The following SV2C variants were observed in gnomAD, a reference collection of about 807,000 sequenced individuals.
SV2C encodes synaptic vesicle glycoprotein 2C.
Under a neutral mutation model 79.7 loss-of-function variants are expected in SV2C, and 49 were observed. The ratio of observed to expected loss-of-function variants is 0.61; its 90% CI spans 0.49 to 0.78. The LOEUF (loss-of-function observed/expected upper bound fraction) is 0.78, where lower values mean the gene tolerates loss of function less well. Ranked by LOEUF, SV2C falls within the 30% of genes least tolerant of loss-of-function variation. SV2C has a pLI of 0.00. For synonymous variants in SV2C, 334 were observed against 333.2 expected (o/e 1.00, Z -0.03); for missense variants, 833 against 912.9 (o/e 0.91, Z 1.13).
At chr5:76,245,379 T>C (rs957162582) in intron 4 of SV2C, among the ~76,000 whole-genome samples, 11 of 152,082 alleles carry the variant, frequency 7.2e-5, no homozygotes, top group African/African-American at 2.2e-4. Flanking sequence ...GGGATGAAGA[T>C]AGAAGCTCAG....
At position 76,131,895 on chromosome 5, in the gene SV2C, T is replaced by C. The variant is rs1336599961; in HGVS notation, c.145T>C (p.Phe49Leu). 3.7e-6 allele frequency: 6 copies of C among 1,613,674 alleles called. No homozygotes were observed. Among genetic ancestry groups the C allele is most frequent in the Non-Finnish European group, 5.1e-6 (6 of 1,179,956 alleles). The change falls in exon 2 of 13, where the codon TTC becomes CTC. Residue 49 changes from phenylalanine to leucine, a missense_variant. Physicochemically the swap from Phe to Leu is conservative, Grantham distance 22 (BLOSUM62 0). Transcript: ENST00000502798. ...DEYTQRSYSR[F>L]QDEEDDDDYY... ...ATACACCCAGAGGTCCTACAGTCGG[T>C]TCCAAGATGAAGAAGATGATGATGA...
the SV2C span, among the ~76,000 whole-genome samples, chr5:75,965,737 G>GT: frequency 5.9e-5 from 9 of 151,714 alleles, no homozygotes; most frequent in South Asian, 6.2e-4. Flanking sequence ...TCTAGATTGA[G>GT]TTTTTTTTAT....
the SV2C span, among the ~76,000 whole-genome samples, chr5:75,991,271 A>G: frequency 6.6e-6 from 1 of 151,806 alleles, no homozygotes; most frequent in African/African-American, 2.4e-5. Context: ...TTTGTTTATT[A>G]TCATCATGTT....
rs186108277 is a variant in SV2C at position 76,108,797 on chromosome 5, T to G, written c.-101-22853T>G. 2.9e-4 allele frequency among the ~76,000 whole-genome samples: 44 copies of G among 152,352 alleles called. 1 individual carries two copies. The highest frequency in any genetic ancestry group is 1.1e-3 in the African/African-American group (44 of 41,576). On this transcript the variant is annotated intron_variant, in intron 1 of 12. Transcript: ENST00000502798. ...CCTAAAGCAAATGGCGATAACATGTTAGTTTCATTAACTGTGGTGAAAAAA... is the reference window on the plus strand; with the variant it reads ...CCTAAAGCAAATGGCGATAACATGTGAGTTTCATTAACTGTGGTGAAAAAA...
At chr5:75,880,983 A>G in the SV2C span, among the ~76,000 whole-genome samples, 1 of 152,180 alleles carries the variant, frequency 6.6e-6, no homozygotes, top group African/African-American at 2.4e-5. Context: ...GCAGAAGGTG[A>G]AGGGGGAACA....
chr5:75,891,507 G>T, the SV2C span, among the ~76,000 whole-genome samples: 1 of 152,042 alleles, frequency 6.6e-6, no homozygotes, highest in African/African-American at 2.4e-5. Flanking sequence ...AGTTTTAAGA[G>T]AAAAACTATA....
intron 2 of SV2C, chr5:76,173,864 T>C (rs770888225): frequency 1.3e-6 from 2 of 1,598,036 alleles, no homozygotes; most frequent in African/African-American, 2.7e-5. Flanking sequence ...TGGAACATCA[T>C]CAGTGTCTTT....
At chr5:76,306,626 G>T (rs886438452) in intron 12 of SV2C, among the ~76,000 whole-genome samples, 4 of 152,214 alleles carry the variant, frequency 2.6e-5, no homozygotes, top group South Asian at 4.1e-4. Flanking sequence ...AAGGTTAAAA[G>T]AATTCTCTGG....
In SV2C at chr5:76,194,968, A is replaced by T. The variant is rs1183174215; in HGVS notation, c.630A>T (p.Gly210=). ...TGGTGGGGGCGTTCTTCTGGGGAGG[A>T]CTGGCAGACAAAGTGGGAAGGAAAC... ...GMMVGAFFWG[G]LADKVGRKQS... Residue 210 remains glycine (G), a synonymous_variant, in exon 3 of 13, where the codon GGA becomes GGT. Transcript: ENST00000502798. 3.1e-6 allele frequency: 5 copies of T among 1,613,848 alleles called. No individual in the cohort carries two copies. The African/African-American group carries it at 6.7e-5, about 22-fold the overall frequency.
chr5:75,869,663 A>T, the SV2C span, among the ~76,000 whole-genome samples: 1 of 152,138 alleles, frequency 6.6e-6, no homozygotes, highest in Non-Finnish European at 1.5e-5. Flanking sequence ...GAGTAAACAT[A>T]GGTGGTAGCC....
At chr5:76,225,472 T>C (rs903889562) in intron 4 of SV2C, among the ~76,000 whole-genome samples, 11 of 152,130 alleles carry the variant, frequency 7.2e-5, no homozygotes, top group African/African-American at 2.7e-4. Context: ...GAGAACTGGG[T>C]GGCAGGAGAT....
intron 4 of SV2C, among the ~76,000 whole-genome samples, chr5:76,234,765 T>TGAA (rs765139356): frequency 6.6e-6 from 1 of 152,180 alleles, no homozygotes; most frequent in Non-Finnish European, 1.5e-5. Flanking sequence ...AGTGAAAAAC[T>TGAA]GAAGCTTCCT....
chr5:75,871,558 C>A, the SV2C span, among the ~76,000 whole-genome samples: 1 of 151,952 alleles, frequency 6.6e-6, no homozygotes, highest in East Asian at 1.9e-4. Flanking sequence ...GCCTGTAATC[C>A]CAGCACTTTG....
At chr5:76,078,537 G>A (rs544847049), upstream of SV2C, 118 of 283,782 alleles carry the variant, frequency 4.2e-4, 1 homozygote, top group African/African-American at 1.7e-3. Flanking sequence ...TTAACAAGAC[G>A]AACATTGGTA....
chr5:75,879,248 C>T, the SV2C span, among the ~76,000 whole-genome samples: 1 of 152,170 alleles, frequency 6.6e-6, no homozygotes, highest in Non-Finnish European at 1.5e-5. Flanking sequence ...TCTCACATTG[C>T]AAAATGCAAG....
chr5:76,054,421 C>G, the SV2C span, among the ~76,000 whole-genome samples: 2 of 152,254 alleles, frequency 1.3e-5, 1 homozygote, highest in East Asian at 3.9e-4. Flanking sequence ...GTTTCCAAGT[C>G]TTTGCTATTG....
chr5:76,340,611 C>A (rs1749423819), intron 12 of SV2C, among the ~76,000 whole-genome samples: 1 of 152,150 alleles, frequency 6.6e-6, no homozygotes, highest in South Asian at 2.1e-4. Flanking sequence ...TGAAGATATC[C>A]CAACTCAGAT....
At chr5:76,076,952 C>T in the SV2C span, among the ~76,000 whole-genome samples, 6 of 152,064 alleles carry the variant, frequency 3.9e-5, no homozygotes, top group Admixed American at 6.5e-5. Context: ...ATCCCCCTCA[C>T]GTTAAAAAGG....
chr5:76,257,526 A>G (rs1165370309), intron 4 of SV2C, among the ~76,000 whole-genome samples: 3 of 145,488 alleles, frequency 2.1e-5, no homozygotes, highest in African/African-American at 7.6e-5. Flanking sequence ...GGTGTGGTGT[A>G]TGAGCGTGTG....
Sources: gnomAD v4.1 joint callset for allele counts (sites outside exome capture counted in the v4.1 genomes callset) on GRCh38, gnomAD v4.1.1 for gene constraint, MANE v1.5 for transcripts, NCBI Gene and HGNC (gene_info 2026-07-23, HGNC 2026-07-21) for gene names.